The following SLIT2 variants were observed in gnomAD, a reference collection of about 807,000 sequenced individuals.
The protein encoded by SLIT2 is slit homolog 2 protein.
Under a neutral mutation model 185.7 loss-of-function variants are expected in SLIT2, and 41 were observed. That is an observed-to-expected ratio of 0.22 (90% CI 0.17 to 0.29). SLIT2 has a LOEUF of 0.29. Among genes scored for constraint, SLIT2 ranks in the 10% least tolerant of loss-of-function variants. The probability of loss-of-function intolerance (pLI) is 1.00; values close to 1 mark genes in which losing one functional copy is unlikely to be tolerated. For missense variants in SLIT2, 1,571 were observed against 1,909.0 expected (o/e 0.82, Z 3.30); for synonymous variants, 693 against 680.2 (o/e 1.02, Z -0.29).
intron 4 of SLIT2, among the ~76,000 whole-genome samples, chr4:20,447,289 G>A (rs1041325824): frequency 3.3e-5 from 5 of 152,176 alleles, no homozygotes; most frequent in African/African-American, 9.7e-5. Context: ...GAGGACCAGG[G>A]CAGACAGTGA....
intron 16 of SLIT2, 82 bp from the exon 17 acceptor site, chr4:20,531,902 T>C (rs577289339): frequency 4.1e-6 from 3 of 729,314 alleles, no homozygotes; most frequent in Non-Finnish European, 6.9e-6. Flanking sequence ...TAAATAATGT[T>C]AGAATTCATT....
Position 20,317,904 on chromosome 4 carries a change from G to A in SLIT2, c.395+49023G>A, listed in dbSNP as rs189289413. ...TGACTGATTCTCAAGCAAAGGAAAAGGAATTTTAAATAAAGGATTTCTGTT... is the reference window on the plus strand; with the variant it reads ...TGACTGATTCTCAAGCAAAGGAAAAAGAATTTTAAATAAAGGATTTCTGTT... On this transcript the variant is annotated intron_variant, in intron 4 of 36. Transcript: ENST00000504154. Among the ~76,000 whole-genome samples the A allele has an allele frequency of 1.4e-4, 22 of 152,134 alleles. No homozygotes were observed. In the East Asian group the frequency reaches 4.2e-3, roughly 29 times the overall value.
intron 30 of SLIT2, among the ~76,000 whole-genome samples, chr4:20,593,527 T>C (rs1247676861): frequency 6.6e-6 from 1 of 152,090 alleles, no homozygotes; most frequent in Non-Finnish European, 1.5e-5. Flanking sequence ...AGTTACAAGA[T>C]GAATAATAAG....
chr4:20,401,024 A>G (rs867411153), intron 4 of SLIT2, among the ~76,000 whole-genome samples: 4 of 151,866 alleles, frequency 2.6e-5, no homozygotes, highest in Admixed American at 1.3e-4. Context: ...GCTTGAAAAT[A>G]TAAACAAGTT....
intron 26 of SLIT2, among the ~76,000 whole-genome samples, chr4:20,559,980 A>G (rs1446333736): frequency 6.6e-6 from 1 of 151,962 alleles, no homozygotes; most frequent in African/African-American, 2.4e-5. Flanking sequence ...ATTTTAATCT[A>G]TTAATTAAAA....
chr4:20,446,466 T>C (rs951554511), intron 4 of SLIT2, among the ~76,000 whole-genome samples: 2 of 152,064 alleles, frequency 1.3e-5, no homozygotes, highest in Admixed American at 1.3e-4. Context: ...TTAGAGAAAG[T>C]GTTTGGAATT....
rs548897914 is a variant in SLIT2 at position 20,340,147 on chromosome 4, A to G, written c.395+71266A>G. On this transcript the variant is annotated intron_variant, in intron 4 of 36. Coordinates refer to ENST00000504154, the MANE Select transcript of SLIT2 (RefSeq NM_004787.4). ...GTAGGTGTATATTTTTATGGGGAAC[A>G]TGAGATGTTTTGATACAGGCATGAA... is the stretch of plus-strand genomic sequence containing the variant. 2.0e-5 allele frequency among the ~76,000 whole-genome samples: 3 copies of G among 152,302 alleles called. No individual in the cohort carries two copies. The East Asian group carries it at 5.8e-4, about 29-fold the overall frequency.
intron 33 of SLIT2, among the ~76,000 whole-genome samples, chr4:20,602,417 T>C (rs1240137023): frequency 6.6e-6 from 1 of 152,222 alleles, no homozygotes; most frequent in Admixed American, 6.5e-5. Flanking sequence ...TAAAGTAGTA[T>C]GCATATTTTC....
chr4:20,534,101 C>T (rs905626666), intron 18 of SLIT2, among the ~76,000 whole-genome samples: 13 of 152,136 alleles, frequency 8.5e-5, no homozygotes, highest in African/African-American at 2.7e-4. Flanking sequence ...ATCTGACTAC[C>T]CTGTCCTGCC....
At chr4:20,442,523 CAAAAA>C (rs3049201) in intron 4 of SLIT2, among the ~76,000 whole-genome samples, 3 of 74,222 alleles carry the variant, frequency 4.0e-5, no homozygotes, top group Non-Finnish European at 7.9e-5. Flanking sequence ...GACTCTGTCT[CAAAAA>C]AAAAAAAAAA....
intron 4 of SLIT2, among the ~76,000 whole-genome samples, chr4:20,340,701 T>C (rs1720892077): frequency 6.6e-6 from 1 of 152,100 alleles, no homozygotes; most frequent in Non-Finnish European, 1.5e-5. Flanking sequence ...TCCAGGTTCA[T>C]GCCATTCTCC....
chr4:20,425,312 T>C (rs1188238618), intron 4 of SLIT2, among the ~76,000 whole-genome samples: 1 of 152,154 alleles, frequency 6.6e-6, no homozygotes, highest in African/African-American at 2.4e-5. Context: ...AATGTCATTT[T>C]TAAAAAACTC....
At chr4:20,534,927 G>A (rs570142119) in intron 18 of SLIT2, among the ~76,000 whole-genome samples, 16 of 152,228 alleles carry the variant, frequency 1.1e-4, no homozygotes, top group African/African-American at 3.4e-4. Flanking sequence ...GACCAGTCTG[G>A]GACCTGCTGA....
At chr4:20,486,162 GTA>G in intron 6 of SLIT2, 36 bp from the exon 7 acceptor site, 1 of 1,224,308 alleles carries the variant, frequency 8.2e-7, no homozygotes. Flanking sequence ...AATCAATTTT[GTA>G]TCTAAAAATT....
intron 34 of SLIT2, chr4:20,616,678 C>A: frequency 2.3e-6 from 1 of 430,734 alleles, no homozygotes; most frequent in Non-Finnish European, 4.2e-6. Context: ...CACCAATCAA[C>A]TAGGTATTTT....
chr4:20,496,691 G>A (rs1416874041), intron 9 of SLIT2, among the ~76,000 whole-genome samples: 1 of 152,074 alleles, frequency 6.6e-6, no homozygotes, highest in Non-Finnish European at 1.5e-5. Flanking sequence ...GTTCTATGAA[G>A]GCAGGAACCA....
chr4:20,291,904 C>CTGTGTGTGTGTG (rs35335088), intron 4 of SLIT2, among the ~76,000 whole-genome samples: 1 of 146,966 alleles, frequency 6.8e-6, no homozygotes, highest in East Asian at 2.0e-4. Flanking sequence ...CTGCACACCT[C>CTGTGTGTGTGTG]TGTGTGTGTG....
intron 4 of SLIT2, among the ~76,000 whole-genome samples, chr4:20,373,678 G>A (rs1483490263): frequency 6.6e-6 from 1 of 152,052 alleles, no homozygotes; most frequent in Admixed American, 6.6e-5. Context: ...CTTTTGAGGT[G>A]CCAAACTCAC....
Position 20,256,601 on chromosome 4 carries a change from C to T in SLIT2, c.180-71C>T, listed in dbSNP as rs540668193. The T allele has an allele frequency of 1.4e-5, 11 of 775,038 alleles. 1 individual carries two copies. Among genetic ancestry groups the T allele is most frequent in the African/African-American group, 1.2e-4 (7 of 56,942 alleles). 48.0% of individuals were successfully genotyped at this position (775,038 alleles called of 1,614,324 possible). A position where few individuals can be genotyped will look rare whatever the true frequency, so the allele number is the denominator to read the frequency against. On this transcript the variant is annotated intron_variant, in intron 1 of 36. Coordinates refer to ENST00000504154, the MANE Select transcript of SLIT2 (RefSeq NM_004787.4). Reference sequence around the variant, plus strand: ...TGAATTAACTTTTAGTTCTGATTTACTCTAAACTTTACTTGAAGCAGGTAA... The same window carrying T: ...TGAATTAACTTTTAGTTCTGATTTATTCTAAACTTTACTTGAAGCAGGTAA...
Sources: gnomAD v4.1 joint callset for allele counts (sites outside exome capture counted in the v4.1 genomes callset) on GRCh38, gnomAD v4.1.1 for gene constraint, MANE v1.5 for transcripts, NCBI Gene and HGNC (gene_info 2026-07-23, HGNC 2026-07-21) for gene names.